FHIT: variants seen among roughly 807,000 people sequenced by gnomAD.
FHIT encodes the protein fragile histidine triad diadenosine triphosphatase.
A neutral mutation model predicts 17.9 loss-of-function variants in FHIT; 19 were observed. The ratio of observed to expected loss-of-function variants is 1.06; its 90% confidence interval spans 0.74 to 1.56. The LOEUF (loss-of-function observed/expected upper bound fraction) is 1.56. Ranked by LOEUF, FHIT falls within the 40% of genes most tolerant of loss-of-function variation. FHIT has a pLI of 0.00. For missense variants in FHIT, 248 were observed against 189.2 expected (o/e 1.31, Z -1.82); for synonymous variants, 81 against 69.7 (o/e 1.16, Z -0.81).
intron 1 of FHIT, among the ~76,000 whole-genome samples, chr3:61,241,725 T>C (rs1159774130): frequency 6.6e-6 from 1 of 152,138 alleles, no homozygotes; most frequent in Non-Finnish European, 1.5e-5. Context: ...AGAACACTAA[T>C]AAACACTTAA....
chr3:59,819,927 C>T (rs1165861931), intron 8 of FHIT, among the ~76,000 whole-genome samples: 1 of 152,170 alleles, frequency 6.6e-6, no homozygotes, highest in Admixed American at 6.5e-5. Flanking sequence ...TCCCTTCCAC[C>T]ATGTGAGGAC....
At chr3:60,526,970 C>G (rs1209352177) in intron 5 of FHIT, among the ~76,000 whole-genome samples, 1 of 152,196 alleles carries the variant, frequency 6.6e-6, no homozygotes, top group Non-Finnish European at 1.5e-5. Flanking sequence ...TATCCTCTCC[C>G]TTTGCGGTTT....
At chr3:59,898,017 T>A (rs1575661123) in intron 8 of FHIT, among the ~76,000 whole-genome samples, 1 of 152,144 alleles carries the variant, frequency 6.6e-6, no homozygotes, top group Non-Finnish European at 1.5e-5. Flanking sequence ...TCTGCCCGCC[T>A]TGGCCTCCCA....
intron 5 of FHIT, among the ~76,000 whole-genome samples, chr3:60,456,422 A>T (rs1450880665): frequency 1.3e-5 from 2 of 152,190 alleles, no homozygotes; most frequent in Non-Finnish European, 2.9e-5. Context: ...CATAATTGTC[A>T]CTTCTGCAAG....
chr3:59,869,860 A>C lies in FHIT; in HGVS notation c.348+52486T>G, dbSNP rs948674071. On this transcript the variant is annotated intron_variant, in intron 8 of 9. Coordinates refer to ENST00000492590, the MANE Select transcript of FHIT (RefSeq NM_002012.4). Reference sequence around the variant, plus strand: ...AGCTGCCCACTGTAATTCCAGGGAAATTTTACTCTTAGTTTTCTTCTTTAT... The same window carrying C: ...AGCTGCCCACTGTAATTCCAGGGAACTTTTACTCTTAGTTTTCTTCTTTAT... Among the ~76,000 whole-genome samples, 40 of 152,000 alleles carry C rather than the reference A, an allele frequency of 2.6e-4. 1 individual carries two copies. The highest frequency in any genetic ancestry group is 4.3e-4 in the Non-Finnish European group (29 of 68,012).
At chr3:60,771,647 T>A (rs574400825) in intron 4 of FHIT, among the ~76,000 whole-genome samples, 31 of 152,306 alleles carry the variant, frequency 2.0e-4, no homozygotes, top group African/African-American at 6.5e-4. Context: ...TAAATAGTCA[T>A]CTTATAGAAG....
chr3:60,744,268 CAAAAAAAA>C lies in FHIT; in HGVS notation c.-18+77643_-18+77650del, dbSNP rs374691493. On this transcript the variant is annotated intron_variant, in intron 4 of 9. Transcript: ENST00000492590. ...ATGTAAAAAAAAAAACAAAACAAAA[CAAAAAAAA>C]AAAAAAACAGAAAGAAAAGAAAAGA... Among the ~76,000 whole-genome samples the C allele has an allele frequency of 5.5e-3, 444 of 80,110 alleles. 13 individuals are homozygous for C. The highest frequency in any genetic ancestry group is 0.019 in the African/African-American group (413 of 21,496). The allele number at this position is 80,110 out of a possible 152,430, so 52.6% of individuals were successfully genotyped here. A position where few individuals can be genotyped will look rare whatever the true frequency, so the allele number is the denominator to read the frequency against.
At chr3:60,164,445 C>T (rs1440845809) in intron 5 of FHIT, among the ~76,000 whole-genome samples, 1 of 152,326 alleles carries the variant, frequency 6.6e-6, no homozygotes, top group African/African-American at 2.4e-5. Flanking sequence ...CTTTGCCCAG[C>T]TGCACCATCC....
At chr3:60,028,904 T>G (rs965632917) in intron 5 of FHIT, among the ~76,000 whole-genome samples, 1 of 146,436 alleles carries the variant, frequency 6.8e-6, no homozygotes, top group Admixed American at 6.8e-5. Flanking sequence ...ACACAAAGGA[T>G]GAAATATTGG....
intron 5 of FHIT, among the ~76,000 whole-genome samples, chr3:60,164,344 G>C (rs1053710010): frequency 7.9e-5 from 12 of 152,142 alleles, no homozygotes; most frequent in Non-Finnish European, 1.6e-4. Flanking sequence ...TAAAAGAAGA[G>C]GCTGTTCTTT....
rs531359395 is a variant in FHIT at position 60,726,227 on chromosome 3, C to T, written c.-18+95692G>A. ...AGATATCAATCAAGATTTATTTGAT[C>T]GCTGAAAGGGTTTTGTCAACACTCC... On this transcript the variant is annotated intron_variant, in intron 4 of 9. Coordinates refer to ENST00000492590, the MANE Select transcript of FHIT (RefSeq NM_002012.4). Among the ~76,000 whole-genome samples, 82 of 152,138 alleles carry T rather than the reference C, an allele frequency of 5.4e-4. 2 individuals carry two copies. Among genetic ancestry groups the T allele is most frequent in the African/African-American group, 1.9e-3 (79 of 41,542 alleles).
intron 5 of FHIT, among the ~76,000 whole-genome samples, chr3:60,333,156 A>G (rs1258162311): frequency 6.6e-6 from 1 of 152,218 alleles, no homozygotes; most frequent in Non-Finnish European, 1.5e-5. Context: ...ACAGAAATGA[A>G]AGCGCATATT....
chr3:61,130,381 G>C (rs2036729568), intron 2 of FHIT, among the ~76,000 whole-genome samples: 1 of 152,122 alleles, frequency 6.6e-6, no homozygotes, highest in Non-Finnish European at 1.5e-5. Flanking sequence ...CGTTTAACTT[G>C]TACAAAATTC....
chr3:60,713,445 A>G (rs1262587159), intron 4 of FHIT, among the ~76,000 whole-genome samples: 2 of 149,998 alleles, frequency 1.3e-5, no homozygotes, highest in African/African-American at 2.4e-5. Context: ...AACTGAAGGA[A>G]ATAGAGACAC....
At chr3:60,984,955 C>T (rs1404099411) in intron 3 of FHIT, among the ~76,000 whole-genome samples, 1 of 152,118 alleles carries the variant, frequency 6.6e-6, no homozygotes, top group Admixed American at 6.5e-5. Context: ...AATCAACATT[C>T]AGTATGCATA....
intron 5 of FHIT, among the ~76,000 whole-genome samples, chr3:60,122,059 G>T (rs1163198323): frequency 1.6e-5 from 2 of 125,578 alleles, no homozygotes; most frequent in African/African-American, 7.2e-5. Context: ...TGTGATAGAA[G>T]AAATGAGAGA....
At chr3:59,898,574 C>T (rs1349672872) in intron 8 of FHIT, among the ~76,000 whole-genome samples, 1 of 151,922 alleles carries the variant, frequency 6.6e-6, no homozygotes, top group Admixed American at 6.6e-5. Flanking sequence ...TTGGGCTTGG[C>T]AACAATGAAC....
chr3:59,809,327 C>T (rs1224154256), intron 8 of FHIT, among the ~76,000 whole-genome samples: 2 of 152,212 alleles, frequency 1.3e-5, no homozygotes, highest in Non-Finnish European at 2.9e-5. Flanking sequence ...TAGAGTGAAT[C>T]TGCTGTAAGC....
chr3:60,305,671 G>A (rs1708637657), intron 5 of FHIT, among the ~76,000 whole-genome samples: 1 of 152,080 alleles, frequency 6.6e-6, no homozygotes, highest in Admixed American at 6.6e-5. Context: ...GTACAGATGA[G>A]GTATTTACAT....
Sources: gnomAD v4.1 joint callset for allele counts (sites outside exome capture counted in the v4.1 genomes callset) on GRCh38, gnomAD v4.1.1 for gene constraint, MANE v1.5 for transcripts, NCBI Gene and HGNC (gene_info 2026-07-23, HGNC 2026-07-21) for gene names.